The following CDH18 variants were observed in gnomAD, a reference collection of about 807,000 sequenced individuals.
The protein encoded by CDH18 is cadherin-18.
Under a neutral mutation model 67.9 loss-of-function variants are expected in CDH18, and 31 were observed. That is an observed-to-expected ratio of 0.46 (90% CI 0.34 to 0.62). The LOEUF is 0.62. CDH18 is among the 20% of genes least tolerant of loss of function. The pLI, the probability that CDH18 is intolerant of heterozygous loss-of-function variation, is 0.01. For missense variants in CDH18, 890 were observed against 975.5 expected, an observed-to-expected ratio of 0.91 and a Z score of 1.17; for synonymous variants, 362 against 347.2, an observed-to-expected ratio of 1.04 and a Z score of -0.48.
intron 1 of CDH18, among the ~76,000 whole-genome samples, chr5:20,416,114 CAG>C (rs1386996135): frequency 1.3e-5 from 2 of 151,968 alleles, no homozygotes; most frequent in Non-Finnish European, 1.5e-5. Context: ...AGAAATTGTT[CAG>C]AGAGTAGATA....
intron 2 of CDH18, among the ~76,000 whole-genome samples, chr5:19,878,601 CCATTCTCT>C (rs1787295780): frequency 6.6e-6 from 1 of 151,894 alleles, no homozygotes; most frequent in Non-Finnish European, 1.5e-5. Flanking sequence ...TAGTTTCTAT[CCATTCTCT>C]CATTCTCTCA....
intron 2 of CDH18, among the ~76,000 whole-genome samples, chr5:20,129,820 T>C (rs1372685756): frequency 2.0e-5 from 3 of 151,992 alleles, no homozygotes; most frequent in Non-Finnish European, 4.4e-5. Flanking sequence ...CAACATAAGA[T>C]ATGCAAAGCA....
intron 2 of CDH18, among the ~76,000 whole-genome samples, chr5:20,066,393 T>C (rs1742979590): frequency 6.6e-6 from 1 of 152,088 alleles, no homozygotes; most frequent in Non-Finnish European, 1.5e-5. Context: ...GATGCAAATT[T>C]AAGTGCATTT....
intron 1 of CDH18, among the ~76,000 whole-genome samples, chr5:20,276,686 C>G (rs1025476028): frequency 6.6e-6 from 1 of 152,168 alleles, no homozygotes. Flanking sequence ...AGCTTGACCA[C>G]AAGGTATAGA....
rs75842838 is a variant in CDH18, at chr5:20,459,224, G to A, written c.-580+116238C>T. ...TCAAGGGATCAGCTTGCATGGAATA[G>A]GCATTTCATAAACGTGAGCAGCTTT... On this transcript the variant is annotated intron_variant, in intron 1 of 14. Transcript: ENST00000507958. 3.2e-4 allele frequency among the ~76,000 whole-genome samples: 49 copies of A among 152,302 alleles called. No individual in the cohort carries two copies. In the East Asian group the frequency reaches 9.3e-3, roughly 29 times the overall value.
intron 1 of CDH18, among the ~76,000 whole-genome samples, chr5:20,515,821 T>A (rs1398442721): frequency 6.6e-6 from 1 of 152,038 alleles, no homozygotes; most frequent in African/African-American, 2.4e-5. Flanking sequence ...CTTCAGTTGG[T>A]GCTGGCAGAT....
intron 2 of CDH18, among the ~76,000 whole-genome samples, chr5:20,159,375 G>A (rs1182982287): frequency 6.6e-6 from 1 of 152,130 alleles, no homozygotes; most frequent in Non-Finnish European, 1.5e-5. Flanking sequence ...TTGTGCCCTA[G>A]GAGGAGGAAT....
In CDH18 at chr5:20,441,494, C is replaced by CA. The variant is rs374768682; in HGVS notation, c.-580+133967dup. On this transcript the variant is annotated intron_variant, in intron 1 of 14. Coordinates refer to the CDH18 transcript ENST00000507958. ...ACACAGAGCAAAAAACTACACAGAG[C>CA]AAAAAAAAAACATTTCATCCCATTT... Among the ~76,000 whole-genome samples, 630 of 138,736 alleles carry CA rather than the reference C, an allele frequency of 4.5e-3. 13 individuals are homozygous for CA. In the East Asian group the frequency reaches 0.055, roughly 12 times the overall value. 91.0% of individuals were successfully genotyped at this position (138,736 alleles called of 152,430 possible). A position where few individuals can be genotyped will look rare whatever the true frequency, so the allele number is the denominator to read the frequency against.
At chr5:19,573,219 C>T (rs566353775) in intron 7 of CDH18, among the ~76,000 whole-genome samples, 1 of 151,744 alleles carries the variant, frequency 6.6e-6, no homozygotes, top group East Asian at 1.9e-4. Flanking sequence ...AAGTTTATGA[C>T]CTATCACACT....
chr5:20,289,186 G>A (rs1005202761), intron 1 of CDH18, among the ~76,000 whole-genome samples: 1 of 152,010 alleles, frequency 6.6e-6, no homozygotes, highest in Non-Finnish European at 1.5e-5. Flanking sequence ...GGTATTAAAT[G>A]TATATTAGCT....
At chr5:19,519,369 G>C (rs368041525) in intron 10 of CDH18, among the ~76,000 whole-genome samples, 20 of 152,300 alleles carry the variant, frequency 1.3e-4, no homozygotes, top group African/African-American at 4.8e-4. Context: ...CTTCTCAGGA[G>C]TATAATTTCA....
chr5:20,352,607 C>T lies in CDH18; in HGVS notation c.-579-97102G>A, dbSNP rs369328797. ...CATCCTGGCTGAAACGGTGAAACCC[C>T]GTCTCTACTAAAAATACAAAAAAAA... On this transcript the variant is annotated intron_variant, in intron 1 of 14. Coordinates refer to the CDH18 transcript ENST00000507958. 5.8e-4 allele frequency among the ~76,000 whole-genome samples: 82 copies of T among 140,412 alleles called. 2 individuals carry two copies. The South Asian group carries it at 0.017, about 28-fold the overall frequency. The allele number at this position is 140,412 out of a possible 152,430, so 92.1% of individuals were successfully genotyped here. A position where few individuals can be genotyped will look rare whatever the true frequency, so the allele number is the denominator to read the frequency against.
chr5:19,878,278 A>C (rs1403602139), intron 2 of CDH18, among the ~76,000 whole-genome samples: 1 of 152,146 alleles, frequency 6.6e-6, no homozygotes, highest in Non-Finnish European at 1.5e-5. Flanking sequence ...TATAAAACTT[A>C]CATGCTTAAA....
At chr5:19,613,765 C>A (rs773832916) in intron 5 of CDH18, among the ~76,000 whole-genome samples, 1 of 152,060 alleles carries the variant, frequency 6.6e-6, no homozygotes, top group Non-Finnish European at 1.5e-5. Context: ...ATTAACTATG[C>A]CATAACATAG....
chr5:19,604,907 T>C (rs1345203236), intron 6 of CDH18, among the ~76,000 whole-genome samples: 1 of 152,018 alleles, frequency 6.6e-6, no homozygotes, highest in Non-Finnish European at 1.5e-5. Flanking sequence ...TCACTCTTAA[T>C]CATAAATAAC....
chr5:19,894,077 T>C (rs1203302243), intron 2 of CDH18, among the ~76,000 whole-genome samples: 1 of 152,102 alleles, frequency 6.6e-6, no homozygotes, highest in Non-Finnish European at 1.5e-5. Context: ...ATTTTATATT[T>C]ATTTCTTTTT....
chr5:19,720,830 C>T (rs79896681), intron 5 of CDH18, among the ~76,000 whole-genome samples: 3,419 of 151,958 alleles, frequency 0.022, 60 homozygotes, highest in Non-Finnish European at 0.035. Flanking sequence ...GAATAATTTA[C>T]TCATTAGAAA....
At chr5:19,958,552 G>A (rs1287376982) in intron 2 of CDH18, among the ~76,000 whole-genome samples, 3 of 151,794 alleles carry the variant, frequency 2.0e-5, no homozygotes. Context: ...CACACGCCAG[G>A]AACTTGATAG....
intron 4 of CDH18, among the ~76,000 whole-genome samples, chr5:19,733,475 G>A (rs1164323032): frequency 2.0e-5 from 3 of 152,036 alleles, no homozygotes; most frequent in African/African-American, 7.2e-5. Flanking sequence ...TCTCTTCTCC[G>A]CTGAGAGCTG....
Sources: gnomAD v4.1 joint callset for allele counts (sites outside exome capture counted in the v4.1 genomes callset) on GRCh38, gnomAD v4.1.1 for gene constraint, MANE v1.5 for transcripts, NCBI Gene and HGNC (gene_info 2026-07-23, HGNC 2026-07-21) for gene names.